The following SBNO2 variants were observed in gnomAD, a reference collection of about 807,000 sequenced individuals.
The protein encoded by SBNO2 is strawberry notch homolog 2.
In SBNO2, 89 loss-of-function variants were observed where a neutral mutation model predicts 146.3. The observed-to-expected ratio is 0.61, with a 90% CI of 0.51 to 0.73. The LOEUF is 0.73. SBNO2 is among the 30% of genes least tolerant of loss of function. The pLI is 0.00. For missense variants in SBNO2, 2,092 were observed against 2,003.7 expected, an observed-to-expected ratio of 1.04 and a Z score of -0.84; for synonymous variants, 1,147 against 892.6, an observed-to-expected ratio of 1.29 and a Z score of -5.08.
chr19:1,113,440 C>G (rs2079791856), intron 19 of SBNO2, 95 bp downstream of exon 19: 5 of 1,122,500 alleles, frequency 4.5e-6, no homozygotes, highest in Non-Finnish European at 6.2e-6. Flanking sequence ...GCAGAGTGAC[C>G]AGCAGGGGCC....
intron 1 of SBNO2, among the ~76,000 whole-genome samples, chr19:1,169,847 T>C (rs553729812): frequency 1.3e-5 from 2 of 152,138 alleles, no homozygotes; most frequent in Non-Finnish European, 2.9e-5. Context: ...TTCAACGTAT[T>C]CTAAGGCAGA....
At chr19:1,131,399 C>T (rs905286690) in intron 4 of SBNO2, among the ~76,000 whole-genome samples, 4 of 152,302 alleles carry the variant, frequency 2.6e-5, no homozygotes, top group Non-Finnish European at 5.9e-5. Flanking sequence ...ATTTCAGGAG[C>T]CCTGGGCTGA....
chr19:1,132,293 G>T (rs2080039696), intron 4 of SBNO2: 2 of 1,312,894 alleles, frequency 1.5e-6, no homozygotes, highest in Non-Finnish European at 9.7e-7. Flanking sequence ...CACCGCCGCC[G>T]GCGCCTACTT....
rs940981907 is a variant in SBNO2 at position 1,157,849 on chromosome 19, T to C, written c.-126-3447A>G. 1.4e-5 allele frequency among the ~76,000 whole-genome samples: 2 copies of C among 143,472 alleles called. No homozygotes were observed. The highest frequency in any genetic ancestry group is 5.1e-5 in the African/African-American group (2 of 39,488). 94.1% of individuals were successfully genotyped at this position (143,472 alleles called of 152,430 possible). ...CGGGTAACTGCGTCCGCCTCCCAGC[T>C]CTCTCTCTTGAGTCCGGGTAACTGC... On this transcript the variant is annotated intron_variant, in intron 1 of 31. Transcript: ENST00000361757. The surrounding 1 kb of genome is among the most constrained non-coding windows in gnomAD (Gnocchi z 6.8).
intron 4 of SBNO2, among the ~76,000 whole-genome samples, chr19:1,146,859 C>T (rs11671859): frequency 4.0e-4 from 59 of 148,766 alleles, no homozygotes; most frequent in African/African-American, 1.2e-3. Context: ...GGAGCCTCCC[C>T]GCGACCCTGG....
Position 1,109,076 on chromosome 19 carries a change from A to G in SBNO2, c.3425+59T>C, listed in dbSNP as rs1001186796. The stretch of plus-strand genomic sequence containing the variant: ...CCTCTCAGGGTCTCGGGAGCCCCCG[A>G]TCCCCGCCTGGGTCGCCGCCATCTG... On this transcript the variant is annotated intron_variant, in intron 30 of 31. Transcript: ENST00000361757. This position sits in a 1 kb window ranked among gnomAD's most constrained non-coding sequence, Gnocchi z 4.2. The G allele has an allele frequency of 6.5e-7, 1 of 1,535,376 alleles. No individual in the cohort carries two copies. The highest frequency in any genetic ancestry group is 8.8e-7 in the Non-Finnish European group (1 of 1,140,844).
chr19:1,133,516 G>A (rs953982115), intron 4 of SBNO2, among the ~76,000 whole-genome samples: 61 of 152,216 alleles, frequency 4.0e-4, no homozygotes, highest in Middle Eastern at 3.2e-3. Context: ...CCCGCGACCA[G>A]GCACCGCAGC....
Position 1,109,997 on chromosome 19 carries a change from G to A in SBNO2, c.3029-220C>T, listed in dbSNP as rs1265107138. Among the ~76,000 whole-genome samples the A allele has an allele frequency of 1.3e-5, 2 of 151,662 alleles. No homozygotes were observed. The highest frequency in any genetic ancestry group is 2.4e-5 in the African/African-American group (1 of 41,138). On this transcript the variant is annotated intron_variant, in intron 26 of 31. Coordinates refer to ENST00000361757, the MANE Select transcript of SBNO2 (RefSeq NM_014963.3). The surrounding 1 kb of genome is among the most constrained non-coding windows in gnomAD (Gnocchi z 4.2). Reference sequence around the variant, plus strand: ...CTAGGTAACCCCGAGCAGGCTGTGGGGGATCGTGGGAGCCTGGGGGCCGCT... The same window carrying A: ...CTAGGTAACCCCGAGCAGGCTGTGGAGGATCGTGGGAGCCTGGGGGCCGCT...
chr19:1,122,803 G>C lies in SBNO2; in HGVS notation c.781-12C>G, dbSNP rs751501291. The C allele has an allele frequency of 4.4e-5, 68 of 1,538,092 alleles. No homozygotes were observed. Among genetic ancestry groups the C allele is most frequent in the Non-Finnish European group, 5.1e-5 (58 of 1,146,236 alleles). On this transcript the variant is annotated splice_polypyrimidine_tract_variant and intron_variant, in intron 8 of 31. Transcript: ENST00000361757. ...AGGACCTCGTGTTGCTGTTGCCGGA[G>C]AGCAGGCGTCAGGGCCTGGGGGTGC... is the stretch of plus-strand genomic sequence containing the variant.
Position 1,119,987 on chromosome 19 carries a change from C to T in SBNO2, c.1186G>A (p.Gly396Ser), listed in dbSNP as rs746246187. 57 of 1,551,432 alleles carry T rather than the reference C, an allele frequency of 3.7e-5. No homozygotes were observed. The highest frequency in any genetic ancestry group is 1.2e-4 in the Admixed American group (6 of 51,042). Residue 396 changes from glycine (G) to serine (S), a missense_variant, in exon 12 of 32, where the codon GGC (glycine) becomes AGC (serine). By Grantham distance (56) the Gly-to-Ser change is moderately conservative (BLOSUM62 0). Transcript: ENST00000361757. ...FDECHKAKNA[G>S]STKMGKAVLD... is the part of the protein sequence containing the mutation. ...ACAGCCTTGCCCATCTTGGTGGAGC[C>T]GGCATTCTTGGCTTTGTGACACTCG...
At position 1,111,012 on chromosome 19, in the gene SBNO2, C is replaced by T. The variant is rs1397535042; in HGVS notation, c.2884+7G>A. 2 of 1,593,004 alleles carry T rather than the reference C, an allele frequency of 1.3e-6. No individual in the cohort carries two copies. Among genetic ancestry groups the T allele is most frequent in the Non-Finnish European group, 1.7e-6 (2 of 1,170,458 alleles). On this transcript the variant is annotated splice_region_variant and intron_variant, in intron 25 of 31. Coordinates refer to ENST00000361757, the MANE Select transcript of SBNO2 (RefSeq NM_014963.3). ...AGCGCCTCTGGGCCTGGGTGTGGGG[C>T]ACTCACCCTTCTCCACGTCCAGGCA...
In SBNO2 at chr19:1,109,243, G is replaced by C. The variant is rs768765538; in HGVS notation, c.3349-32C>G. The C allele has an allele frequency of 2.1e-5, 33 of 1,573,358 alleles. No individual in the cohort carries two copies. In the Admixed American group the frequency reaches 6.0e-4, roughly 28 times the overall value. The stretch of plus-strand genomic sequence containing the variant: ...ACACAGGGCCGCATGAGCCTGGGCG[G>C]GGTCAGGGCCGGCAACCCGAGCGAA... On this transcript the variant is annotated intron_variant, in intron 29 of 31. Coordinates refer to ENST00000361757, the MANE Select transcript of SBNO2 (RefSeq NM_014963.3). The surrounding 1 kb of genome is among the most constrained non-coding windows in gnomAD (Gnocchi z 4.2).
chr19:1,173,472 G>T lies in SBNO2; in HGVS notation c.-127+700C>A, dbSNP rs1035579989. ...AGAAACCGAAAAACCATCTGCCCCA[G>T]AAGAGAAGTCGGAGGCCCCAGGAGC... On this transcript the variant is annotated intron_variant, in intron 1 of 31. Transcript: ENST00000361757. This position sits in a 1 kb window ranked among gnomAD's most constrained non-coding sequence, Gnocchi z 4.7. Among the ~76,000 whole-genome samples the T allele has an allele frequency of 6.6e-6, 1 of 152,200 alleles. No individual in the cohort carries two copies. Among genetic ancestry groups the T allele is most frequent in the African/African-American group, 2.4e-5 (1 of 41,456 alleles).
chr19:1,155,709 G>C (rs184085544), intron 1 of SBNO2, among the ~76,000 whole-genome samples: 1 of 152,172 alleles, frequency 6.6e-6, no homozygotes, highest in Non-Finnish European at 1.5e-5. Context: ...GGTTCTCTGG[G>C]TAGAGCCTGG....
chr19:1,154,675 G>C (rs2080273087), intron 1 of SBNO2, among the ~76,000 whole-genome samples: 1 of 152,208 alleles, frequency 6.6e-6, no homozygotes. Context: ...GGCTGCCCAG[G>C]TCACAGGGCA....
Position 1,122,673 on chromosome 19 carries a change from C to A in SBNO2, c.899G>T (p.Arg300Leu). The A allele has an allele frequency of 6.5e-7, 1 of 1,530,300 alleles. No individual in the cohort carries two copies. The highest frequency in any genetic ancestry group is 8.7e-7 in the Non-Finnish European group (1 of 1,143,238). 94.8% of individuals were successfully genotyped at this position (1,530,300 alleles called of 1,614,324 possible). A position where few individuals can be genotyped will look rare whatever the true frequency, so the allele number is the denominator to read the frequency against. ...GVILENHLRG[R>L]KKALWFSVSN... ...AGGGCCTCACCACAATGCTTTCTTCCGGCCGCGCAGGTGGTTCTCCAGGAT... is the reference window on the plus strand; with the variant it reads ...AGGGCCTCACCACAATGCTTTCTTCAGGCCGCGCAGGTGGTTCTCCAGGAT... The change falls in exon 9 of 32, where the codon CGG becomes CTG. Residue 300 changes from arginine to leucine, a missense_variant. Arg to Leu is a moderately radical substitution (Grantham distance 102, BLOSUM62 -2). Coordinates refer to ENST00000361757, the MANE Select transcript of SBNO2 (RefSeq NM_014963.3).
At chr19:1,135,318 C>G (rs1948364829) in intron 4 of SBNO2, among the ~76,000 whole-genome samples, 2 of 146,898 alleles carry the variant, frequency 1.4e-5, no homozygotes, top group Admixed American at 1.4e-4. Context: ...GTTATGATCA[C>G]ACCACTGCAC....
rs896687415 is a variant in SBNO2 at position 1,126,468 on chromosome 19, C to T, written c.441+1136G>A. 6.6e-6 allele frequency among the ~76,000 whole-genome samples: 1 copy of T among 152,082 alleles called. No individual in the cohort carries two copies. Among genetic ancestry groups the T allele is most frequent in the African/African-American group, 2.4e-5 (1 of 41,410 alleles). ...GAGCTAGCTGGGAGGGCACGGGCCC[C>T]GGGCTGGGTGAAATGCTCTGCTGGG... On this transcript the variant is annotated intron_variant, in intron 5 of 31. Transcript: ENST00000361757. The surrounding 1 kb of genome is among the most constrained non-coding windows in gnomAD (Gnocchi z 4.4).
At chr19:1,148,420 C>A (rs1234800947) in intron 3 of SBNO2, among the ~76,000 whole-genome samples, 9 of 152,034 alleles carry the variant, frequency 5.9e-5, no homozygotes, top group South Asian at 2.1e-4. Flanking sequence ...ACTCCTACCC[C>A]CCCTGCAGAA....
Sources: gnomAD v4.1 joint callset for allele counts (sites outside exome capture counted in the v4.1 genomes callset) on GRCh38, gnomAD v4.1.1 for gene constraint, Gnocchi (gnomAD v3.1) non-coding constraint, MANE v1.5 for transcripts, NCBI Gene and HGNC (gene_info 2026-07-23, HGNC 2026-07-21) for gene names.